HDAC4: variants seen among roughly 807,000 people sequenced by gnomAD.
HDAC4 encodes the protein histone deacetylase A.
Under a neutral mutation model 135.1 loss-of-function variants are expected in HDAC4, and 16 were observed. The observed-to-expected ratio is 0.12, with a 90% CI of 0.08 to 0.18. The LOEUF (loss-of-function observed/expected upper bound fraction) is 0.18. HDAC4 is among the 10% of genes least tolerant of loss of function. The pLI, the probability that HDAC4 is intolerant of heterozygous loss-of-function variation, is 1.00. For missense variants in HDAC4, 1,143 were observed against 1,511.8 expected, an observed-to-expected ratio of 0.76 and a Z score of 4.05; for synonymous variants, 685 against 653.4, an observed-to-expected ratio of 1.05 and a Z score of -0.74.
chr2:239,401,572 T>C (rs897782158), upstream of HDAC4: 6 of 227,160 alleles, frequency 2.6e-5, no homozygotes, highest in East Asian at 3.6e-4. Context: ...AATTCGCGCT[T>C]AGAGGGCACA....
At chr2:239,267,622 G>A (rs1448342690) in intron 2 of HDAC4, among the ~76,000 whole-genome samples, 2 of 152,272 alleles carry the variant, frequency 1.3e-5, no homozygotes, top group African/African-American at 2.4e-5. Context: ...ACCAGGAGGC[G>A]GAGCCCTGAG....
chr2:239,134,687 A>G, intron 9 of HDAC4, 44 bp from the exon 10 acceptor site: 1 of 1,410,956 alleles, frequency 7.1e-7, no homozygotes, highest in South Asian at 1.1e-5. Flanking sequence ...TGTCACGGCC[A>G]AACATCAGCA....
At chr2:239,282,908 T>A (rs2050894949) in intron 2 of HDAC4, among the ~76,000 whole-genome samples, 4 of 137,022 alleles carry the variant, frequency 2.9e-5, no homozygotes, top group African/African-American at 5.7e-5. Context: ...AACACACCAC[T>A]CTACACACAA....
chr2:239,219,106 A>G (rs1460243509), intron 3 of HDAC4, among the ~76,000 whole-genome samples: 1 of 144,720 alleles, frequency 6.9e-6, no homozygotes, highest in Non-Finnish European at 1.5e-5. Flanking sequence ...TGACCCAGCC[A>G]TCCCATTACT....
At chr2:239,327,011 A>G (rs2125796348) in intron 2 of HDAC4, among the ~76,000 whole-genome samples, 1 of 152,310 alleles carries the variant, frequency 6.6e-6, no homozygotes, top group Non-Finnish European at 1.5e-5. Flanking sequence ...TCTGAACGAG[A>G]CCACATCACT....
chr2:239,132,522 C>T (rs1388047641), intron 11 of HDAC4, among the ~76,000 whole-genome samples: 1 of 152,190 alleles, frequency 6.6e-6, no homozygotes, highest in Non-Finnish European at 1.5e-5. Context: ...CATGCATGGG[C>T]CCCCTGGTGG....
chr2:239,100,558 C>T (rs2152757584), intron 16 of HDAC4, among the ~76,000 whole-genome samples: 1 of 152,300 alleles, frequency 6.6e-6, no homozygotes, highest in South Asian at 2.1e-4. Context: ...GCTCCAGGTC[C>T]CTGTCCAGCC....
At chr2:239,174,112 T>A (rs1233916493) in intron 5 of HDAC4, among the ~76,000 whole-genome samples, 1 of 152,188 alleles carries the variant, frequency 6.6e-6, no homozygotes, top group Admixed American at 6.5e-5. Flanking sequence ...AAAGAGGATG[T>A]ATCCAAGATT....
At chr2:239,163,315 C>A (rs1410738140) in intron 6 of HDAC4, among the ~76,000 whole-genome samples, 1 of 152,222 alleles carries the variant, frequency 6.6e-6, no homozygotes, top group East Asian at 1.9e-4. Flanking sequence ...TTAAGTGGCT[C>A]TTATTGTGGC....
chr2:239,153,081 G>A (rs890771970), intron 7 of HDAC4, among the ~76,000 whole-genome samples: 1 of 152,236 alleles, frequency 6.6e-6, no homozygotes, highest in African/African-American at 2.4e-5. Context: ...AGGTGCAGGC[G>A]ATGTGAATGC....
chr2:239,317,739 T>G (rs4851970), intron 2 of HDAC4, among the ~76,000 whole-genome samples: 1 of 152,070 alleles, frequency 6.6e-6, no homozygotes, highest in Admixed American at 6.5e-5. Context: ...ACATTTCACG[T>G]TGTCCACAGG....
At chr2:239,206,867 A>T (rs562851510) in intron 3 of HDAC4, among the ~76,000 whole-genome samples, 65 of 152,366 alleles carry the variant, frequency 4.3e-4, no homozygotes, top group African/African-American at 1.5e-3. Context: ...AGAATGGTTC[A>T]TCTTGTCTAA....
chr2:239,184,069 TAAA>T (rs58952360), intron 4 of HDAC4, among the ~76,000 whole-genome samples: 14,551 of 70,838 alleles, frequency 0.21, 1,042 homozygotes, highest in Admixed American at 0.35. Flanking sequence ...CTTGCTAGTG[TAAA>T]AAAAAAAAAA....
chr2:239,143,815 A>G (rs1288877954), intron 8 of HDAC4, among the ~76,000 whole-genome samples: 1 of 152,220 alleles, frequency 6.6e-6, no homozygotes, highest in African/African-American at 2.4e-5. Flanking sequence ...ACCACCTACC[A>G]TGAGCCTTGG....
At chr2:239,135,545 T>C (rs1418644782) in intron 9 of HDAC4, among the ~76,000 whole-genome samples, 2 of 152,256 alleles carry the variant, frequency 1.3e-5, no homozygotes, top group Non-Finnish European at 2.9e-5. Flanking sequence ...GCGAACACTG[T>C]TGGGTGAATC....
At chr2:239,169,692 G>A (rs577244709) in intron 5 of HDAC4, among the ~76,000 whole-genome samples, 17 of 152,200 alleles carry the variant, frequency 1.1e-4, no homozygotes, top group Non-Finnish European at 2.4e-4. Flanking sequence ...CAGCACAGCC[G>A]TCCACTACCG....
At chr2:239,072,673 G>A (rs1400095788) in intron 22 of HDAC4, among the ~76,000 whole-genome samples, 3 of 152,224 alleles carry the variant, frequency 2.0e-5, no homozygotes, top group African/African-American at 4.8e-5. Flanking sequence ...CACGGCAGAC[G>A]GCAGCAGGGC....
intron 15 of HDAC4, among the ~76,000 whole-genome samples, chr2:239,107,104 TGCCCTC>T (rs970076136): frequency 6.6e-6 from 1 of 152,222 alleles, no homozygotes; most frequent in Non-Finnish European, 1.5e-5. Context: ...CTTCTCTTCC[TGCCCTC>T]GCTATCAGCA....
intron 15 of HDAC4, 30 bp from the exon 16 acceptor site, chr2:239,102,926 C>G (rs758674084): frequency 6.2e-7 from 1 of 1,613,412 alleles, no homozygotes; most frequent in Non-Finnish European, 8.5e-7. Context: ...GACACTCACA[C>G]GTTCTGCAGA....
Sources: gnomAD v4.1 joint callset for allele counts (sites outside exome capture counted in the v4.1 genomes callset) on GRCh38, gnomAD v4.1.1 for gene constraint, MANE v1.5 for transcripts, NCBI Gene and HGNC (gene_info 2026-07-23, HGNC 2026-07-21) for gene names.